Variants in EDIL3 observed in about 807,000 individuals in gnomAD.
The protein encoded by EDIL3 is EGF-like repeat and discoidin I-like domain-containing protein 3.
Under a neutral mutation model 67.4 loss-of-function variants are expected in EDIL3, and 37 were observed. The observed-to-expected ratio is 0.55, with a 90% confidence interval of 0.42 to 0.72. The LOEUF is 0.72. EDIL3 is among the 30% of genes least tolerant of loss of function. The probability of loss-of-function intolerance (pLI) is 0.00; values close to 1 mark genes in which losing one functional copy is unlikely to be tolerated. For missense variants in EDIL3, 527 were observed against 586.3 expected (o/e 0.90, Z 1.04); for synonymous variants, 195 against 196.3 (o/e 0.99, Z 0.05).
chr5:84,132,328 T>C (rs1197764757), intron 5 of EDIL3, among the ~76,000 whole-genome samples: 7 of 79,964 alleles, frequency 8.8e-5, no homozygotes, highest in Non-Finnish European at 1.6e-4. Context: ...ATATTTTATA[T>C]AATATATATT....
At chr5:84,115,422 T>C (rs1014016454) in intron 5 of EDIL3, among the ~76,000 whole-genome samples, 1 of 152,174 alleles carries the variant, frequency 6.6e-6, no homozygotes, top group African/African-American at 2.4e-5. Flanking sequence ...TAAACTATAA[T>C]AAAAATTGTC....
rs115804570 is a variant in EDIL3, at chr5:84,231,538, C to T, written c.197-1654G>A. On this transcript the variant is annotated intron_variant, in intron 2 of 10. Transcript: ENST00000296591. The stretch of plus-strand genomic sequence containing the variant: ...GTTAATCAAGGTATCACTGTGTAGC[C>T]AGGGAGTGGTCTCCACTCTTTTCCG... Among the ~76,000 whole-genome samples, 974 of 152,120 alleles carry T rather than the reference C, an allele frequency of 6.4e-3. 8 individuals are homozygous for T. The highest frequency in any genetic ancestry group is 0.022 in the African/African-American group (929 of 41,528).
intron 1 of EDIL3, among the ~76,000 whole-genome samples, chr5:84,371,301 G>A (rs1747839716): frequency 8.2e-6 from 1 of 121,576 alleles, no homozygotes; most frequent in Non-Finnish European, 1.8e-5. Flanking sequence ...TATAGCAAGA[G>A]ATACATATAG....
chr5:83,940,599 A>C lies in EDIL3; in HGVS notation c.*2820T>G, dbSNP rs973888497. ...ATTACAACTGCTTCAAAAGAATCCC[A>C]GCTTTTCAAAAGTTTATTTTAAGTT... is the stretch of plus-strand genomic sequence containing the variant. On this transcript the variant is annotated 3_prime_UTR_variant, in exon 11 of 11. Transcript: ENST00000296591. The C allele has an allele frequency of 6.6e-6, 1 of 151,992 alleles. No homozygotes were observed. The highest frequency in any genetic ancestry group is 2.4e-5 in the African/African-American group (1 of 41,434). 9.4% of individuals were successfully genotyped at this position (151,992 alleles called of 1,614,324 possible).
intron 2 of EDIL3, among the ~76,000 whole-genome samples, chr5:84,248,067 G>C (rs1744944180): frequency 6.6e-6 from 1 of 152,016 alleles, no homozygotes; most frequent in Non-Finnish European, 1.5e-5. Context: ...CAGGAAGAGT[G>C]GCACATAGCT....
In EDIL3 at chr5:84,384,342, G is replaced by T; in HGVS notation, c.33C>A (p.Val11=). 1 of 1,612,340 alleles carries T rather than the reference G, an allele frequency of 6.2e-7. No individual in the cohort carries two copies. The highest frequency in any genetic ancestry group is 8.5e-7 in the Non-Finnish European group (1 of 1,179,248). The change falls in exon 1 of 11, where the codon GTC becomes GTA. Residue 11 remains valine, a synonymous_variant. Transcript: ENST00000296591. MKRSVAVWLL[V]GLSLGVPQFG... ...ACTGGGGGACACCGAGGCTGAGCCC[G>T]ACCAAGAGCCAGACGGCTACCGAGC... is the stretch of plus-strand genomic sequence containing the variant.
rs115513626 is a variant in EDIL3, at chr5:84,268,683, A to G, written c.68-14471T>C. Among the ~76,000 whole-genome samples the G allele has an allele frequency of 3.1e-3, 475 of 152,312 alleles. 3 individuals carry two copies. Among genetic ancestry groups the G allele is most frequent in the African/African-American group, 0.011 (449 of 41,574 alleles). Reference sequence around the variant, plus strand: ...TGATTCACGCACTTTTATTGTTAGAAAAAATAAGAAAATCACCTATATTCA... The same window carrying G: ...TGATTCACGCACTTTTATTGTTAGAGAAAATAAGAAAATCACCTATATTCA... On this transcript the variant is annotated intron_variant, in intron 1 of 10. Coordinates refer to ENST00000296591, the MANE Select transcript of EDIL3 (RefSeq NM_005711.5).
At chr5:84,185,804 T>C (rs151321153) in intron 3 of EDIL3, among the ~76,000 whole-genome samples, 1 of 152,162 alleles carries the variant, frequency 6.6e-6, no homozygotes, top group Non-Finnish European at 1.5e-5. Context: ...TTAGAATGTG[T>C]ACTTTTGCAT....
At chr5:84,321,872 T>C (rs995510925) in intron 1 of EDIL3, among the ~76,000 whole-genome samples, 6 of 152,132 alleles carry the variant, frequency 3.9e-5, no homozygotes, top group Non-Finnish European at 7.4e-5. Context: ...TTTTCTATTT[T>C]TCCCATTTTT....
At chr5:84,252,082 T>C (rs1442967419) in intron 2 of EDIL3, among the ~76,000 whole-genome samples, 1 of 152,236 alleles carries the variant, frequency 6.6e-6, no homozygotes, top group Non-Finnish European at 1.5e-5. Context: ...AGGTGGGATA[T>C]GGCAGCGTGC....
intron 9 of EDIL3, among the ~76,000 whole-genome samples, chr5:84,048,801 T>C (rs796457020): frequency 2.6e-5 from 4 of 152,230 alleles, no homozygotes; most frequent in African/African-American, 9.6e-5. Flanking sequence ...TTAAAATAAG[T>C]TTTTAGTTAA....
intron 1 of EDIL3, among the ~76,000 whole-genome samples, chr5:84,256,499 C>A (rs1329970520): frequency 6.6e-6 from 1 of 152,076 alleles, no homozygotes; most frequent in East Asian, 1.9e-4. Flanking sequence ...GAATAACACA[C>A]TTAAAGGAAA....
Position 84,243,577 on chromosome 5 carries a change from T to C in EDIL3, c.196+10507A>G, listed in dbSNP as rs113856678. Among the ~76,000 whole-genome samples the C allele has an allele frequency of 2.5e-3, 376 of 152,330 alleles. 1 individual carries two copies. The highest frequency in any genetic ancestry group is 8.4e-3 in the African/African-American group (351 of 41,574). ...TCTGGTTTGATTTCACAATGAAACCTTAGCAGATAAAGACATTGTGGGGTT... is the reference window on the plus strand; with the variant it reads ...TCTGGTTTGATTTCACAATGAAACCCTAGCAGATAAAGACATTGTGGGGTT... On this transcript the variant is annotated intron_variant, in intron 2 of 10. Coordinates refer to ENST00000296591, the MANE Select transcript of EDIL3 (RefSeq NM_005711.5).
chr5:83,945,277 ACACT>A (rs1744291876), intron 10 of EDIL3, among the ~76,000 whole-genome samples: 1 of 151,978 alleles, frequency 6.6e-6, no homozygotes, highest in Admixed American at 6.6e-5. Flanking sequence ...CATATCATAA[ACACT>A]CACCAAAAAT....
chr5:83,975,423 T>C (rs1744861598), intron 9 of EDIL3, among the ~76,000 whole-genome samples: 1 of 151,954 alleles, frequency 6.6e-6, no homozygotes, highest in Non-Finnish European at 1.5e-5. Flanking sequence ...AACAAACTCA[T>C]TATATTAAAC....
chr5:84,238,146 G>A (rs1012710780), intron 2 of EDIL3, among the ~76,000 whole-genome samples: 2 of 150,764 alleles, frequency 1.3e-5, no homozygotes, highest in Non-Finnish European at 3.0e-5. Flanking sequence ...CTTGGCAAAC[G>A]GTGTGTGTGT....
chr5:84,136,196 G>C (rs1018723446), intron 5 of EDIL3, among the ~76,000 whole-genome samples: 5 of 152,124 alleles, frequency 3.3e-5, no homozygotes, highest in African/African-American at 9.7e-5. Context: ...CTGTAGCACT[G>C]CTTCTCTCAC....
chr5:84,129,522 C>A (rs1477208547), intron 5 of EDIL3, among the ~76,000 whole-genome samples: 2 of 151,914 alleles, frequency 1.3e-5, no homozygotes, highest in African/African-American at 4.8e-5. Flanking sequence ...AACTGTCCTT[C>A]TGTCCCACTG....
At chr5:84,080,115 C>CAA (rs10566347) in intron 6 of EDIL3, among the ~76,000 whole-genome samples, 190 of 52,932 alleles carry the variant, frequency 3.6e-3, no homozygotes, top group South Asian at 6.7e-3. Context: ...ACTAAAAATA[C>CAA]AAAAAAAAAA....
Sources: allele counts gnomAD v4.1 joint callset (sites outside exome capture counted in the v4.1 genomes callset), GRCh38; gene constraint gnomAD v4.1.1; transcripts MANE v1.5; gene names NCBI Gene and HGNC (gene_info 2026-07-23, HGNC 2026-07-21).